The following PCNX2 variants were observed in gnomAD, a reference collection of about 807,000 sequenced individuals.
PCNX2 encodes pecanex-like protein 2.
In PCNX2, 168 loss-of-function variants were observed where a neutral mutation model predicts 223.8. The observed-to-expected ratio is 0.75, with a 90% CI of 0.66 to 0.85. The LOEUF is 0.85. Among genes scored for constraint, PCNX2 ranks in the 40% least tolerant of loss-of-function variants. The pLI is 0.00. For synonymous variants in PCNX2, 1,006 were observed against 1,052.6 expected (o/e 0.96, Z 0.86); for missense variants, 2,507 against 2,675.5 (o/e 0.94, Z 1.39).
At chr1:233,229,911 C>T (rs1183093205) in intron 9 of PCNX2, among the ~76,000 whole-genome samples, 3 of 151,992 alleles carry the variant, frequency 2.0e-5, no homozygotes, top group Non-Finnish European at 4.4e-5. Flanking sequence ...ATCAAAGAAG[C>T]CCAGAGTTAC....
chr1:233,101,279 T>C (rs1479093281), intron 21 of PCNX2, among the ~76,000 whole-genome samples: 1 of 152,198 alleles, frequency 6.6e-6, no homozygotes. Flanking sequence ...ACATCTCAAA[T>C]GTAGGCCACC....
At chr1:233,246,243 C>T (rs1659114711) in intron 8 of PCNX2, among the ~76,000 whole-genome samples, 1 of 151,884 alleles carries the variant, frequency 6.6e-6, no homozygotes, top group Non-Finnish European at 1.5e-5. Flanking sequence ...GATAAATGCC[C>T]TTCAGATGGG....
intron 32 of PCNX2, among the ~76,000 whole-genome samples, chr1:232,993,913 A>G (rs1669790268): frequency 6.6e-6 from 1 of 152,188 alleles, no homozygotes; most frequent in South Asian, 2.1e-4. Context: ...TGGGCCTAAG[A>G]GTGTGCAGAA....
intron 16 of PCNX2, among the ~76,000 whole-genome samples, chr1:233,178,621 C>T (rs1679621457): frequency 6.6e-6 from 1 of 152,148 alleles, no homozygotes; most frequent in Non-Finnish European, 1.5e-5. Context: ...AACAACAAAA[C>T]AATAAAATCA....
intron 21 of PCNX2, among the ~76,000 whole-genome samples, chr1:233,122,811 C>G (rs1675880033): frequency 6.6e-6 from 1 of 152,230 alleles, no homozygotes; most frequent in African/African-American, 2.4e-5. Flanking sequence ...GCATGCACCA[C>G]TGTGCCTGGC....
intron 1 of PCNX2, among the ~76,000 whole-genome samples, chr1:233,274,739 C>T (rs1049458092): frequency 2.7e-4 from 41 of 152,156 alleles, no homozygotes; most frequent in African/African-American, 9.4e-4. Context: ...AGCAAAGGGC[C>T]TTCCAGGAAG....
intron 26 of PCNX2, among the ~76,000 whole-genome samples, chr1:233,021,441 G>A (rs1670886382): frequency 1.3e-5 from 2 of 152,130 alleles, no homozygotes; most frequent in South Asian, 4.1e-4. Flanking sequence ...GTTGCAGTGA[G>A]CCCAGATCAC....
chr1:233,200,194 A>G lies in PCNX2; in HGVS notation c.2934T>C (p.Tyr978=), dbSNP rs201308708. The G allele has an allele frequency of 3.1e-5, 49 of 1,595,604 alleles. No homozygotes were observed. The African/African-American group carries it at 5.5e-4, about 18-fold the overall frequency. The change falls in exon 14 of 34, where the codon TAT becomes TAC. Residue 978 remains tyrosine, a synonymous_variant. Coordinates refer to ENST00000258229, the MANE Select transcript of PCNX2 (RefSeq NM_014801.4). ...ACAGCATGTCAATTTGCTCCAAAAG[A>G]TAAGTGCAGAAAGTGTTGATTTGCG... The part of the protein sequence containing the change: ...LFPQINTFCT[Y]LLEQIDMLFF...
At chr1:233,194,795 T>A (rs989623351) in intron 15 of PCNX2, among the ~76,000 whole-genome samples, 1 of 152,084 alleles carries the variant, frequency 6.6e-6, no homozygotes, top group Non-Finnish European at 1.5e-5. Flanking sequence ...GGCAGGCGGA[T>A]CACGAGGTCA....
intron 17 of PCNX2, 74 bp downstream of exon 17, chr1:233,177,728 G>A: frequency 7.8e-7 from 1 of 1,283,886 alleles, no homozygotes; most frequent in Non-Finnish European, 1.1e-6. Flanking sequence ...CCTGCCTAGA[G>A]CTCCATTGAG....
chr1:233,124,341 T>G (rs147817328), intron 21 of PCNX2, among the ~76,000 whole-genome samples: 357 of 152,326 alleles, frequency 2.3e-3, no homozygotes, highest in African/African-American at 7.8e-3. Context: ...GAAATGACCT[T>G]ACTGACAATT....
intron 1 of PCNX2, among the ~76,000 whole-genome samples, chr1:233,280,131 C>G (rs1027791448): frequency 1.3e-5 from 2 of 152,042 alleles, no homozygotes; most frequent in Non-Finnish European, 2.9e-5. Context: ...CAGCTGTGTA[C>G]TACTCCACTG....
At chr1:233,041,065 A>G (rs1429987117) in intron 25 of PCNX2, among the ~76,000 whole-genome samples, 1 of 152,162 alleles carries the variant, frequency 6.6e-6, no homozygotes, top group Non-Finnish European at 1.5e-5. Flanking sequence ...CTCCATGGCC[A>G]AGTATTATAA....
chr1:232,985,788 C>G (rs1027808378), intron 33 of PCNX2: 2 of 590,394 alleles, frequency 3.4e-6, no homozygotes, highest in Non-Finnish European at 6.0e-6. Context: ...GGGCATTCTC[C>G]GTCATGCCCC....
intron 1 of PCNX2, among the ~76,000 whole-genome samples, chr1:233,283,715 A>G (rs1433428988): frequency 6.6e-6 from 1 of 152,210 alleles, no homozygotes; most frequent in Non-Finnish European, 1.5e-5. Context: ...TCTTCTTTAC[A>G]GAATAGTACC....
chr1:233,295,216 A>T lies in PCNX2; in HGVS notation c.153+110T>A, dbSNP rs2103034011. On this transcript the variant is annotated intron_variant, in intron 1 of 33. Coordinates refer to ENST00000258229, the MANE Select transcript of PCNX2 (RefSeq NM_014801.4). This position sits in a 1 kb window ranked among gnomAD's most constrained non-coding sequence, Gnocchi z 4.1. ...GAAGCCCCTCCCTTTCCGTCTCTTA[A>T]GAATCTCTACGAACCCGAAAGCCCG... is the stretch of plus-strand genomic sequence containing the variant. 2 of 1,457,342 alleles carry T rather than the reference A, an allele frequency of 1.4e-6. No individual in the cohort carries two copies. The highest frequency in any genetic ancestry group is 5.1e-5 in the East Asian group (2 of 39,594). The allele number at this position is 1,457,342 out of a possible 1,614,324, so 90.3% of individuals were successfully genotyped here.
intron 28 of PCNX2, among the ~76,000 whole-genome samples, chr1:233,008,308 C>T (rs1387079963): frequency 3.9e-5 from 6 of 152,176 alleles, no homozygotes; most frequent in Non-Finnish European, 8.8e-5. Flanking sequence ...CAAATAGCTC[C>T]AAGGTGCTTC....
rs372488421 is a variant in PCNX2 at position 233,258,685 on chromosome 1, A to G, written c.1177T>C (p.Ser393Pro). The G allele has an allele frequency of 3.0e-4, 479 of 1,613,768 alleles. No homozygotes were observed. The highest frequency in any genetic ancestry group is 3.9e-4 in the Non-Finnish European group (466 of 1,179,888). ...TPNSMTDLESSLHLRVVGTEK... is the reference protein window; with the variant it reads ...TPNSMTDLESPLHLRVVGTEK... ...GTGCCAACCACCCTCAGGTGGAGGG[A>G]GCTTTCCAAATCTGTCATGGAGTTT... The change falls in exon 5 of 34, where the codon TCC (serine) becomes CCC (proline). Residue 393 changes from serine (S) to proline (P), a missense_variant. By Grantham distance (74) the Ser-to-Pro change is moderately conservative. This residue lies in a region of PCNX2 where 1,031 missense variants were observed against 1,021.7 expected (regional missense o/e 1.01). Coordinates refer to ENST00000258229, the MANE Select transcript of PCNX2 (RefSeq NM_014801.4).
Position 233,129,022 on chromosome 1 carries a change from A to G in PCNX2, c.3837+5991T>C, listed in dbSNP as rs182599482. Among the ~76,000 whole-genome samples, 462 of 152,316 alleles carry G rather than the reference A, an allele frequency of 3.0e-3. 3 individuals carry two copies. Among genetic ancestry groups the G allele is most frequent in the African/African-American group, 0.011 (440 of 41,582 alleles). On this transcript the variant is annotated intron_variant, in intron 21 of 33. Coordinates refer to ENST00000258229, the MANE Select transcript of PCNX2 (RefSeq NM_014801.4). Reference sequence around the variant, plus strand: ...CTCGGCCTTGGCGTCTGCTCTGGCCATGCTTGGGGAGCCCTTCAGCCCGCC... The same window carrying G: ...CTCGGCCTTGGCGTCTGCTCTGGCCGTGCTTGGGGAGCCCTTCAGCCCGCC...
Sources: allele counts gnomAD v4.1 joint callset (sites outside exome capture counted in the v4.1 genomes callset), GRCh38; gene constraint gnomAD v4.1.1; regional missense constraint gnomAD v4.1.1; non-coding constraint Gnocchi (gnomAD v3.1); transcripts MANE v1.5; gene names NCBI Gene and HGNC (gene_info 2026-07-23, HGNC 2026-07-21).